ATP8A1: variants seen among roughly 807,000 people sequenced by gnomAD.
ATP8A1 encodes the protein phospholipid-transporting ATPase IA.
A neutral mutation model predicts 177.7 loss-of-function variants in ATP8A1; 90 were observed. That is an observed-to-expected ratio of 0.51 (90% CI 0.43 to 0.60). ATP8A1 has a LOEUF of 0.60. Among genes scored for constraint, ATP8A1 ranks in the 20% least tolerant of loss-of-function variants. The pLI, the probability that ATP8A1 is intolerant of heterozygous loss-of-function variation, is 0.00. For synonymous variants in ATP8A1, 493 were observed against 485.9 expected, an observed-to-expected ratio of 1.01 and a Z score of -0.19; for missense variants, 1,072 against 1,392.8, an observed-to-expected ratio of 0.77 and a Z score of 3.67.
At chr4:42,618,740 T>C (rs1219533635) in intron 4 of ATP8A1, among the ~76,000 whole-genome samples, 3 of 152,240 alleles carry the variant, frequency 2.0e-5, no homozygotes, top group African/African-American at 7.2e-5. Context: ...ATAGGGTATG[T>C]AGCCATGTTA....
chr4:42,476,574 G>A (rs546947249), intron 25 of ATP8A1, among the ~76,000 whole-genome samples: 4 of 151,432 alleles, frequency 2.6e-5, no homozygotes, highest in South Asian at 2.1e-4. Context: ...AGCTGAGATC[G>A]TGCCATCGCA....
intron 1 of ATP8A1, among the ~76,000 whole-genome samples, chr4:42,646,991 T>C (rs1414168204): frequency 1.3e-5 from 2 of 152,182 alleles, no homozygotes; most frequent in Non-Finnish European, 1.5e-5. Flanking sequence ...TAAAAATGAA[T>C]AGGAAGACAT....
intron 33 of ATP8A1, among the ~76,000 whole-genome samples, chr4:42,425,892 C>T (rs1049080745): frequency 2.0e-5 from 3 of 152,118 alleles, no homozygotes; most frequent in Non-Finnish European, 2.9e-5. Flanking sequence ...AAGTGGCTCC[C>T]GGGGGCCTTG....
intron 15 of ATP8A1, among the ~76,000 whole-genome samples, chr4:42,560,105 T>C (rs1405990421): frequency 6.6e-6 from 1 of 152,206 alleles, no homozygotes. Flanking sequence ...AAAGGGAAGC[T>C]TTTTATGGAA....
At chr4:42,560,346 A>G (rs1730691209) in intron 15 of ATP8A1, among the ~76,000 whole-genome samples, 1 of 152,084 alleles carries the variant, frequency 6.6e-6, no homozygotes, top group African/African-American at 2.4e-5. Context: ...ACACTCCTTG[A>G]ATTTGTAATA....
At chr4:42,593,600 AATG>A (rs1483704178) in intron 6 of ATP8A1, among the ~76,000 whole-genome samples, 1 of 152,066 alleles carries the variant, frequency 6.6e-6, no homozygotes, top group African/African-American at 2.4e-5. Flanking sequence ...TGTCCAAGGA[AATG>A]ATGATAAACA....
At chr4:42,594,482 T>C (rs1223237473) in intron 6 of ATP8A1, 8 of 619,304 alleles carry the variant, frequency 1.3e-5, no homozygotes, top group African/African-American at 3.6e-5. Flanking sequence ...AAGAACCACT[T>C]ATCTTCACAA....
At chr4:42,545,312 C>T (rs934807593) in intron 19 of ATP8A1, among the ~76,000 whole-genome samples, 2 of 152,124 alleles carry the variant, frequency 1.3e-5, no homozygotes, top group Non-Finnish European at 2.9e-5. Flanking sequence ...TACGTTAGCC[C>T]TTCCTGATTC....
At position 42,412,841 on chromosome 4, in the gene ATP8A1, G is replaced by A. The variant is rs1712774162; in HGVS notation, c.*75C>T. 2 of 1,254,890 alleles carry A rather than the reference G, an allele frequency of 1.6e-6. No individual in the cohort carries two copies. Among genetic ancestry groups the A allele is most frequent in the South Asian group, 1.2e-5 (1 of 80,344 alleles). 77.7% of individuals were successfully genotyped at this position (1,254,890 alleles called of 1,614,324 possible). On this transcript the variant is annotated 3_prime_UTR_variant, in exon 37 of 37. Transcript: ENST00000381668. ...CCTCTTCATGGACCAGACTGGAATT[G>A]GTTAGCAGACTGCGGTGACAACCTG...
intron 11 of ATP8A1, 63 bp from the exon 12 acceptor site, chr4:42,578,450 A>G: frequency 6.4e-7 from 1 of 1,563,962 alleles, no homozygotes; most frequent in Non-Finnish European, 8.7e-7. Flanking sequence ...TTGACCCCAA[A>G]TTAGCATAAT....
chr4:42,637,738 T>C (rs1306048256), intron 1 of ATP8A1, among the ~76,000 whole-genome samples: 2 of 152,144 alleles, frequency 1.3e-5, no homozygotes, highest in African/African-American at 4.8e-5. Context: ...TGACCTCACC[T>C]CTCCCTTTAA....
At chr4:42,571,354 C>T (rs909312170) in intron 14 of ATP8A1, among the ~76,000 whole-genome samples, 5 of 151,940 alleles carry the variant, frequency 3.3e-5, no homozygotes, top group African/African-American at 7.3e-5. Flanking sequence ...GTTTTTAATA[C>T]GAATTAAATG....
chr4:42,636,156 A>ACACACACACGCGCGCGTGCGCGCGCG (rs565139270), intron 1 of ATP8A1, among the ~76,000 whole-genome samples: 12 of 90,968 alleles, frequency 1.3e-4, no homozygotes, highest in African/African-American at 2.3e-4. Context: ...ACACACACAC[A>ACACACACACGCGCGCGTGCGCGCGCG]CGCACACACA....
chr4:42,513,848 C>A (rs1201104991), intron 22 of ATP8A1, among the ~76,000 whole-genome samples: 1 of 152,140 alleles, frequency 6.6e-6, no homozygotes, highest in African/African-American at 2.4e-5. Context: ...GCCTGCATGA[C>A]AAATTAAGAG....
intron 22 of ATP8A1, among the ~76,000 whole-genome samples, chr4:42,511,350 T>C (rs1724986980): frequency 6.6e-6 from 1 of 152,202 alleles, no homozygotes; most frequent in Non-Finnish European, 1.5e-5. Flanking sequence ...CTTACACAGA[T>C]GGCCACTAAT....
At chr4:42,621,294 A>G (rs1422991520) in intron 4 of ATP8A1, among the ~76,000 whole-genome samples, 1 of 152,236 alleles carries the variant, frequency 6.6e-6, no homozygotes, top group Non-Finnish European at 1.5e-5. Flanking sequence ...TAAATGTTCA[A>G]TTGACCCATT....
intron 22 of ATP8A1, among the ~76,000 whole-genome samples, chr4:42,514,893 C>CCAGTTATCT (rs1725375137): frequency 6.6e-6 from 1 of 152,142 alleles, no homozygotes; most frequent in Admixed American, 6.5e-5. Context: ...TGAAATTACA[C>CCAGTTATCT]CAGTTATCTC....
chr4:42,418,389 T>C (rs1713486942), intron 35 of ATP8A1, among the ~76,000 whole-genome samples: 3 of 152,208 alleles, frequency 2.0e-5, no homozygotes. Flanking sequence ...GCTTCACACA[T>C]ACTCCAATGA....
At chr4:42,655,917 T>C (rs781074802) in intron 1 of ATP8A1, among the ~76,000 whole-genome samples, 3 of 152,136 alleles carry the variant, frequency 2.0e-5, no homozygotes, top group Non-Finnish European at 2.9e-5. Flanking sequence ...CTGAAAAACA[T>C]GTTATTCCAC....
Sources: gnomAD v4.1 joint callset for allele counts (sites outside exome capture counted in the v4.1 genomes callset) on GRCh38, gnomAD v4.1.1 for gene constraint, MANE v1.5 for transcripts, NCBI Gene and HGNC (gene_info 2026-07-23, HGNC 2026-07-21) for gene names.